Variants in IGSF21 observed in about 807,000 individuals in gnomAD.
The protein encoded by IGSF21 is immunoglobin superfamily member 21, also known as immunoglobulin superfamily member 21.
Under a neutral mutation model 46.8 loss-of-function variants are expected in IGSF21, and 28 were observed. That is an observed-to-expected ratio of 0.60 (90% CI 0.44 to 0.82). IGSF21 has a LOEUF of 0.82. Among genes scored for constraint, IGSF21 ranks in the 40% least tolerant of loss-of-function variants. IGSF21 has a pLI of 0.00. For synonymous variants in IGSF21, 284 were observed against 273.6 expected, an observed-to-expected ratio of 1.04 and a Z score of -0.38; for missense variants, 624 against 665.5, an observed-to-expected ratio of 0.94 and a Z score of 0.69.
At chr1:18,248,046 T>C (rs142518453) in intron 2 of IGSF21, among the ~76,000 whole-genome samples, 1 of 152,226 alleles carries the variant, frequency 6.6e-6, no homozygotes, top group African/African-American at 2.4e-5. Context: ...GATTAAAGCA[T>C]CTACACTGGC....
intron 3 of IGSF21, among the ~76,000 whole-genome samples, chr1:18,298,745 G>T (rs1413518799): frequency 6.6e-6 from 1 of 152,232 alleles, no homozygotes. Context: ...TGCACAATAA[G>T]CGTTGGCTGC....
intron 1 of IGSF21, among the ~76,000 whole-genome samples, chr1:18,145,690 A>C (rs922120623): frequency 6.6e-6 from 1 of 152,194 alleles, no homozygotes; most frequent in African/African-American, 2.4e-5. Flanking sequence ...GGGAGGGACT[A>C]ATAAAATGCC....
intron 2 of IGSF21, among the ~76,000 whole-genome samples, chr1:18,260,959 A>G (rs139493692): frequency 8.7e-4 from 132 of 152,364 alleles, no homozygotes; most frequent in Middle Eastern, 3.4e-3. Context: ...GTGAGGGAGC[A>G]GCAGATGGAG....
intron 1 of IGSF21, among the ~76,000 whole-genome samples, chr1:18,196,484 T>C (rs1217581993): frequency 6.6e-6 from 1 of 152,102 alleles, no homozygotes; most frequent in Non-Finnish European, 1.5e-5. Context: ...TACTTAGATG[T>C]CAGCAGGAGA....
chr1:18,268,800 G>C (rs2085015082), intron 2 of IGSF21, among the ~76,000 whole-genome samples: 1 of 152,202 alleles, frequency 6.6e-6, no homozygotes, highest in South Asian at 2.1e-4. Context: ...GCTGAGAGCT[G>C]TCCCACAGGC....
intron 2 of IGSF21, among the ~76,000 whole-genome samples, chr1:18,266,685 T>C (rs1389319656): frequency 6.6e-6 from 1 of 152,236 alleles, no homozygotes; most frequent in Non-Finnish European, 1.5e-5. Flanking sequence ...GGCCAGAGCA[T>C]ATCACATGGC....
At chr1:18,239,195 T>C (rs769891243) in intron 2 of IGSF21, among the ~76,000 whole-genome samples, 1 of 152,170 alleles carries the variant, frequency 6.6e-6, no homozygotes, top group African/African-American at 2.4e-5. Context: ...ACAAAGGGGC[T>C]GACTTAACTT....
chr1:18,341,072 T>C (rs1441853309), intron 4 of IGSF21, among the ~76,000 whole-genome samples: 224 of 67,052 alleles, frequency 3.3e-3, no homozygotes, highest in Non-Finnish European at 5.7e-3. Context: ...CTTCTTCTTC[T>C]TCTTCTCCTC....
chr1:18,337,400 T>C lies in IGSF21; in HGVS notation c.424+2390T>C, dbSNP rs1225761160. Among the ~76,000 whole-genome samples the C allele has an allele frequency of 6.6e-6, 1 of 152,162 alleles. No individual in the cohort carries two copies. Among genetic ancestry groups the C allele is most frequent in the East Asian group, 1.9e-4 (1 of 5,186 alleles). On this transcript the variant is annotated intron_variant, in intron 4 of 9. Transcript: ENST00000251296. The surrounding 1 kb of genome is among the most constrained non-coding windows in gnomAD (Gnocchi z 5.7). ...CAAGAATATCATTGAAGAGCTCAGT[T>C]ACTTGGACACTGTTGTTTTTATTAT... is the stretch of plus-strand genomic sequence containing the variant.
intron 3 of IGSF21, among the ~76,000 whole-genome samples, chr1:18,307,139 A>G (rs1217707461): frequency 2.6e-5 from 4 of 151,160 alleles, no homozygotes; most frequent in Non-Finnish European, 4.4e-5. Flanking sequence ...TTGTTTGGCC[A>G]TGTCTTGTTT....
intron 4 of IGSF21, among the ~76,000 whole-genome samples, chr1:18,356,931 T>C (rs996566412): frequency 3.4e-5 from 5 of 147,966 alleles, no homozygotes; most frequent in African/African-American, 1.3e-4. Context: ...GGATGGAGAT[T>C]GAGGATGGGG....
chr1:18,213,177 A>T (rs553111737), intron 1 of IGSF21, among the ~76,000 whole-genome samples: 1 of 152,364 alleles, frequency 6.6e-6, no homozygotes, highest in East Asian at 1.9e-4. Flanking sequence ...CAGTATGGCC[A>T]GACCCACTGA....
chr1:18,224,354 C>T (rs1181887046), intron 1 of IGSF21, among the ~76,000 whole-genome samples: 1 of 152,160 alleles, frequency 6.6e-6, no homozygotes, highest in Non-Finnish European at 1.5e-5. Context: ...CTGGAATGCT[C>T]TCTCCTCAAT....
At chr1:18,226,270 T>A (rs538829229) in intron 1 of IGSF21, among the ~76,000 whole-genome samples, 5 of 152,034 alleles carry the variant, frequency 3.3e-5, no homozygotes, top group Non-Finnish European at 5.9e-5. Context: ...GTCACCTGAG[T>A]GGTGACTGTG....
intron 2 of IGSF21, among the ~76,000 whole-genome samples, chr1:18,250,098 G>GCTCCCTCCCTCCCTCCCTCGCTCCCTCC: frequency 1.7e-5 from 1 of 59,842 alleles, no homozygotes; most frequent in Admixed American, 1.6e-4. Context: ...TCCCTCCCTC[G>GCTCCCTCCCTCCCTCCCTCGCTCCCTCC]CTCCCTCCCT....
intron 2 of IGSF21, among the ~76,000 whole-genome samples, chr1:18,245,012 G>T (rs562531956): frequency 2.0e-5 from 3 of 152,198 alleles, no homozygotes; most frequent in African/African-American, 7.2e-5. Flanking sequence ...AGTGCCTGAC[G>T]CTATATAAAT....
chr1:18,187,707 C>T (rs1444096685), intron 1 of IGSF21, among the ~76,000 whole-genome samples: 1 of 152,060 alleles, frequency 6.6e-6, no homozygotes, highest in Non-Finnish European at 1.5e-5. Flanking sequence ...CCATCTAAAC[C>T]TAATTACCTC....
chr1:18,117,980 C>A (rs1035698885), intron 1 of IGSF21, among the ~76,000 whole-genome samples: 1 of 152,192 alleles, frequency 6.6e-6, no homozygotes, highest in Non-Finnish European at 1.5e-5. Flanking sequence ...GCCAGGTGGA[C>A]CCACCACCTG....
intron 2 of IGSF21, among the ~76,000 whole-genome samples, chr1:18,285,261 T>C (rs1309265402): frequency 3.9e-5 from 6 of 152,058 alleles, no homozygotes; most frequent in African/African-American, 1.2e-4. Flanking sequence ...TGGAGACTTA[T>C]TTGTTTTTCA....
Sources: allele counts gnomAD v4.1 joint callset (sites outside exome capture counted in the v4.1 genomes callset), GRCh38; gene constraint gnomAD v4.1.1; non-coding constraint Gnocchi (gnomAD v3.1); transcripts MANE v1.5; gene names NCBI Gene and HGNC (gene_info 2026-07-23, HGNC 2026-07-21).